The following ELAVL4 variants were observed in gnomAD, a reference collection of about 807,000 sequenced individuals.
ELAVL4 encodes the protein ELAV like RNA binding protein 4.
In ELAVL4, 1 loss-of-function variant was observed where a neutral mutation model predicts 35.6. The observed-to-expected ratio is 0.03, with a 90% CI of 0.01 to 0.13. ELAVL4 has a LOEUF of 0.13. Ranked by LOEUF, ELAVL4 falls within the 10% of genes least tolerant of loss-of-function variation. ELAVL4 has a pLI of 1.00. For synonymous variants in ELAVL4, 156 were observed against 171.0 expected (o/e 0.91, Z 0.69); for missense variants, 267 against 464.9 (o/e 0.57, Z 3.91).
rs903557563 is a variant in ELAVL4, at chr1:50,108,991, C to T, written c.-199C>T. On this transcript the variant is annotated 5_prime_UTR_variant, in exon 1 of 7. Coordinates refer to ENST00000371824, the MANE Select transcript of ELAVL4 (RefSeq NM_001144774.3). ...TAGAATCGGGGGTTTCAGCTCACTG[C>T]TCCTTTTCTTTTTTTTCTTTCTCTC... is the stretch of plus-strand genomic sequence containing the variant. 2.0e-5 allele frequency: 25 copies of T among 1,259,198 alleles called. No homozygotes were observed. The highest frequency in any genetic ancestry group is 2.5e-5 in the Non-Finnish European group (25 of 1,002,240). 78.0% of individuals were successfully genotyped at this position (1,259,198 alleles called of 1,614,324 possible). A position where few individuals can be genotyped will look rare whatever the true frequency, so the allele number is the denominator to read the frequency against.
chr1:50,129,497 G>C (rs1367266837), intron 1 of ELAVL4, among the ~76,000 whole-genome samples: 2 of 152,114 alleles, frequency 1.3e-5, no homozygotes, highest in African/African-American at 4.8e-5. Context: ...TACCTCACTT[G>C]GGCCATTCAC....
chr1:50,171,200 T>C (rs1572514852), intron 2 of ELAVL4, among the ~76,000 whole-genome samples: 1 of 152,076 alleles, frequency 6.6e-6, no homozygotes, highest in African/African-American at 2.4e-5. Flanking sequence ...CAATCATAGG[T>C]GCTCCAGAAC....
chr1:50,176,812 T>C (rs1680113300), intron 2 of ELAVL4, among the ~76,000 whole-genome samples: 1 of 152,250 alleles, frequency 6.6e-6, no homozygotes, highest in South Asian at 2.1e-4. Flanking sequence ...GACACTTGTG[T>C]ATCTCTTGTG....
intron 2 of ELAVL4, among the ~76,000 whole-genome samples, chr1:50,164,047 A>C (rs1677296628): frequency 6.6e-6 from 1 of 152,208 alleles, no homozygotes; most frequent in Non-Finnish European, 1.5e-5. Flanking sequence ...CCCTTTAGTA[A>C]AACAGATATC....
chr1:50,142,432 A>C (rs1672977612), intron 1 of ELAVL4, among the ~76,000 whole-genome samples: 2 of 152,090 alleles, frequency 1.3e-5, no homozygotes, highest in Non-Finnish European at 2.9e-5. Context: ...TGAACTCCTG[A>C]CCTCAGGTGA....
chr1:50,133,865 A>G (rs1008112854), intron 1 of ELAVL4, among the ~76,000 whole-genome samples: 1 of 152,140 alleles, frequency 6.6e-6, no homozygotes, highest in Non-Finnish European at 1.5e-5. Context: ...GCTAAGAACC[A>G]TTTTATTTCA....
At chr1:50,057,439 G>A (rs560691830) in intron 1 of ELAVL4, among the ~76,000 whole-genome samples, 6 of 152,296 alleles carry the variant, frequency 3.9e-5, no homozygotes, top group Admixed American at 1.3e-4. Context: ...GTAGTGTACA[G>A]TAATGTCCTA....
intron 3 of ELAVL4, among the ~76,000 whole-genome samples, chr1:50,185,459 G>A (rs191530548): frequency 6.6e-6 from 1 of 152,304 alleles, no homozygotes; most frequent in Admixed American, 6.5e-5. Flanking sequence ...CAAGCACACG[G>A]CTTTTATTTC....
chr1:50,165,643 G>GGT (rs1432500257), intron 2 of ELAVL4, among the ~76,000 whole-genome samples: 1 of 145,106 alleles, frequency 6.9e-6, no homozygotes, highest in African/African-American at 2.5e-5. Context: ...TATGTATATA[G>GGT]GTATATATAT....
intron 1 of ELAVL4, among the ~76,000 whole-genome samples, chr1:50,071,275 T>A (rs750944748): frequency 6.6e-6 from 1 of 152,376 alleles, no homozygotes; most frequent in Non-Finnish European, 1.5e-5. Flanking sequence ...TTCATTTGAA[T>A]GTAAACTCTA....
upstream of ELAVL4, chr1:50,106,501 G>A (rs1666321901): frequency 3.8e-6 from 3 of 794,948 alleles, no homozygotes; most frequent in Admixed American, 2.5e-5. Flanking sequence ...GGTGGATTGT[G>A]GCAGAAAAAA....
chr1:50,159,773 T>A (rs1676451811), intron 2 of ELAVL4, among the ~76,000 whole-genome samples: 1 of 151,864 alleles, frequency 6.6e-6, no homozygotes, highest in African/African-American at 2.4e-5. Context: ...AAGAATGGAG[T>A]CCTTGGAGGA....
chr1:50,145,521 T>C (rs1046397332), intron 2 of ELAVL4, among the ~76,000 whole-genome samples: 3 of 152,196 alleles, frequency 2.0e-5, no homozygotes, highest in Non-Finnish European at 2.9e-5. Context: ...CCCTATACTA[T>C]ACACTAGTTT....
At chr1:50,129,009 C>A (rs1670417246) in intron 1 of ELAVL4, among the ~76,000 whole-genome samples, 1 of 152,136 alleles carries the variant, frequency 6.6e-6, no homozygotes, top group Non-Finnish European at 1.5e-5. Context: ...CTCTCAGGAT[C>A]TTCAGGAAAA....
intron 1 of ELAVL4, among the ~76,000 whole-genome samples, chr1:50,129,336 C>T (rs1054056965): frequency 6.6e-6 from 1 of 152,048 alleles, no homozygotes; most frequent in African/African-American, 2.4e-5. Flanking sequence ...CCTGCTCTTC[C>T]ACCCTGAGTT....
chr1:50,114,500 C>A (rs965302335), intron 1 of ELAVL4, among the ~76,000 whole-genome samples: 3 of 151,628 alleles, frequency 2.0e-5, no homozygotes, highest in African/African-American at 7.3e-5. Context: ...GTGGGAGTCA[C>A]AAGCAGTAAT....
intron 5 of ELAVL4, among the ~76,000 whole-genome samples, chr1:50,196,220 G>T (rs985574025): frequency 6.6e-6 from 1 of 152,202 alleles, no homozygotes; most frequent in Non-Finnish European, 1.5e-5. Flanking sequence ...CCCTCGGCAG[G>T]TAACTCTGTT....
intron 2 of ELAVL4, among the ~76,000 whole-genome samples, chr1:50,146,344 T>C (rs1673722047): frequency 6.6e-6 from 1 of 152,178 alleles, no homozygotes; most frequent in Admixed American, 6.5e-5. Flanking sequence ...TAAATACCAC[T>C]GCTACTTTCC....
intron 2 of ELAVL4, among the ~76,000 whole-genome samples, chr1:50,157,559 T>C (rs1675981381): frequency 6.6e-6 from 1 of 152,220 alleles, no homozygotes; most frequent in South Asian, 2.1e-4. Flanking sequence ...CTCAAGCTGA[T>C]CAAATTACAA....
Sources: allele counts gnomAD v4.1 joint callset (sites outside exome capture counted in the v4.1 genomes callset), GRCh38; gene constraint gnomAD v4.1.1; transcripts MANE v1.5; gene names NCBI Gene and HGNC (gene_info 2026-07-23, HGNC 2026-07-21).